ROBO1: variants seen among roughly 807,000 people sequenced by gnomAD.
ROBO1 encodes the protein roundabout guidance receptor 1.
In ROBO1, 149 loss-of-function variants were observed where a neutral mutation model predicts 195.9. The ratio of observed to expected loss-of-function variants is 0.76; its 90% confidence interval spans 0.67 to 0.87. The LOEUF (loss-of-function observed/expected upper bound fraction) is 0.87. Ranked by LOEUF, ROBO1 falls within the 40% of genes least tolerant of loss-of-function variation. The pLI, the probability that ROBO1 is intolerant of heterozygous loss-of-function variation, is 0.00. For missense variants in ROBO1, 1,933 were observed against 2,068.3 expected, an observed-to-expected ratio of 0.93 and a Z score of 1.27; for synonymous variants, 816 against 733.2, an observed-to-expected ratio of 1.11 and a Z score of -1.82.
intron 3 of ROBO1, among the ~76,000 whole-genome samples, chr3:79,014,346 A>AGAT (rs1267808713): frequency 1.3e-5 from 2 of 152,142 alleles, no homozygotes; most frequent in Non-Finnish European, 2.9e-5. Context: ...GGTGGTGGGC[A>AGAT]TCTGCAATTT....
intron 3 of ROBO1, among the ~76,000 whole-genome samples, chr3:79,037,252 A>G (rs1040120575): frequency 1.3e-5 from 2 of 152,212 alleles, no homozygotes; most frequent in Non-Finnish European, 2.9e-5. Context: ...GGTATTCGTT[A>G]GAATACAATG....
At chr3:79,625,426 A>AAAAAAAAAAAAAAAAAAAAG (rs1945141766) in intron 1 of ROBO1, among the ~76,000 whole-genome samples, 1 of 135,790 alleles carries the variant, frequency 7.4e-6, no homozygotes, top group Admixed American at 7.5e-5. Flanking sequence ...TTTTTTTGAA[A>AAAAAAAAAAAAAAAAAAAAG]AAAAAAAAAA....
chr3:79,256,683 A>C (rs560088166), intron 2 of ROBO1, among the ~76,000 whole-genome samples: 1 of 152,306 alleles, frequency 6.6e-6, no homozygotes, highest in East Asian at 1.9e-4. Context: ...ATGCCTTTAA[A>C]GTTATGAAGT....
intron 2 of ROBO1, among the ~76,000 whole-genome samples, chr3:79,217,679 A>G (rs781580625): frequency 1.3e-5 from 2 of 152,034 alleles, no homozygotes; most frequent in African/African-American, 2.4e-5. Context: ...TAGATAAAAC[A>G]TAAGTATATA....
At chr3:78,634,088 A>G (rs778702768) in intron 23 of ROBO1, 46 bp from the exon 24 acceptor site, 2 of 1,292,886 alleles carry the variant, frequency 1.5e-6, no homozygotes, top group Admixed American at 3.7e-5. Flanking sequence ...TTTTCTCTTC[A>G]TGAGCGATTT....
intron 2 of ROBO1, among the ~76,000 whole-genome samples, chr3:79,336,812 G>C (rs1014220112): frequency 6.6e-6 from 1 of 152,322 alleles, no homozygotes; most frequent in East Asian, 1.9e-4. Flanking sequence ...CAGCTGGAAG[G>C]GGGGCTGTAC....
At chr3:79,094,552 T>TA (rs1438931654) in intron 3 of ROBO1, among the ~76,000 whole-genome samples, 1 of 152,142 alleles carries the variant, frequency 6.6e-6, no homozygotes, top group Admixed American at 6.6e-5. Context: ...CAATGAAGAT[T>TA]AAAAAATAAT....
chr3:79,135,438 T>A (rs890280394), intron 2 of ROBO1, among the ~76,000 whole-genome samples: 5 of 151,780 alleles, frequency 3.3e-5, no homozygotes, highest in African/African-American at 1.2e-4. Flanking sequence ...GAAAAAAAAA[T>A]TGTTGATTGT....
intron 10 of ROBO1, among the ~76,000 whole-genome samples, chr3:78,684,750 C>G (rs1032152645): frequency 6.6e-6 from 1 of 152,002 alleles, no homozygotes; most frequent in Admixed American, 6.6e-5. Flanking sequence ...AAAGATGACT[C>G]CACAGATTCT....
intron 3 of ROBO1, among the ~76,000 whole-genome samples, chr3:78,956,396 T>C (rs189910287): frequency 6.6e-6 from 1 of 152,278 alleles, no homozygotes; most frequent in East Asian, 1.9e-4. Flanking sequence ...TAACGCAACT[T>C]TGAAAGGGAA....
chr3:79,614,903 A>G (rs921842290), intron 1 of ROBO1, among the ~76,000 whole-genome samples: 2 of 152,136 alleles, frequency 1.3e-5, no homozygotes, highest in Non-Finnish European at 2.9e-5. Context: ...GGACATTAAA[A>G]AATAGAAATA....
intron 2 of ROBO1, among the ~76,000 whole-genome samples, chr3:79,138,740 A>C (rs2080464799): frequency 1.3e-5 from 2 of 151,896 alleles, no homozygotes; most frequent in Admixed American, 1.3e-4. Context: ...TAAACAAGGA[A>C]GGTTTTTAAA....
intron 1 of ROBO1, among the ~76,000 whole-genome samples, chr3:79,715,656 C>T (rs769490226): frequency 6.6e-6 from 1 of 152,016 alleles, no homozygotes; most frequent in Non-Finnish European, 1.5e-5. Context: ...AAGTCTGTAG[C>T]ATCTCCAATG....
intron 2 of ROBO1, among the ~76,000 whole-genome samples, chr3:79,390,284 AAAC>A (rs886816481): frequency 2.6e-5 from 4 of 151,914 alleles, no homozygotes; most frequent in Non-Finnish European, 4.4e-5. Flanking sequence ...ACCGGCTCTG[AAAC>A]AACAACAACA....
At chr3:79,731,110 A>C (rs1408472385) in intron 1 of ROBO1, among the ~76,000 whole-genome samples, 1 of 152,158 alleles carries the variant, frequency 6.6e-6, no homozygotes, top group Non-Finnish European at 1.5e-5. Flanking sequence ...TAACGGTGAT[A>C]GTCCTTTTCA....
chr3:79,524,829 C>A (rs1447808158), intron 2 of ROBO1, among the ~76,000 whole-genome samples: 2 of 151,948 alleles, frequency 1.3e-5, no homozygotes, highest in Admixed American at 1.3e-4. Context: ...AAAATTTGTT[C>A]CTCCAATGAC....
chr3:79,322,809 A>G (rs2034041353), intron 2 of ROBO1, among the ~76,000 whole-genome samples: 2 of 152,192 alleles, frequency 1.3e-5, no homozygotes, highest in African/African-American at 4.8e-5. Context: ...GAAGGGATAT[A>G]AAAAACTATA....
intron 3 of ROBO1, among the ~76,000 whole-genome samples, chr3:79,012,230 A>G (rs2077798569): frequency 6.6e-6 from 1 of 152,218 alleles, no homozygotes; most frequent in South Asian, 2.1e-4. Flanking sequence ...TTAGGAACCA[A>G]AACCGACTAT....
intron 4 of ROBO1, among the ~76,000 whole-genome samples, chr3:78,883,156 C>T (rs961132101): frequency 2.0e-5 from 3 of 151,844 alleles, no homozygotes; most frequent in Non-Finnish European, 2.9e-5. Context: ...GGCAGAAGCA[C>T]TGAGACAAGT....
Sources: allele counts gnomAD v4.1 joint callset (sites outside exome capture counted in the v4.1 genomes callset), GRCh38; gene constraint gnomAD v4.1.1; transcripts MANE v1.5; gene names NCBI Gene and HGNC (gene_info 2026-07-23, HGNC 2026-07-21).